Variants in ELAPOR2 observed in about 807,000 individuals in gnomAD.
ELAPOR2 encodes endosome/lysosome-associated apoptosis and autophagy regulator family member 2.
In ELAPOR2, 89 loss-of-function variants were observed where a neutral mutation model predicts 120.7. The observed-to-expected ratio is 0.74, with a 90% CI of 0.62 to 0.88. The LOEUF (loss-of-function observed/expected upper bound fraction) is 0.88, where lower values mean the gene tolerates loss of function less well. Among genes scored for constraint, ELAPOR2 ranks in the 40% least tolerant of loss-of-function variants. The pLI is 0.00. For missense variants in ELAPOR2, 1,134 were observed against 1,251.6 expected (o/e 0.91, Z 1.42); for synonymous variants, 444 against 444.9 (o/e 1.00, Z 0.03).
chr7:87,055,129 C>T (rs1393949508), intron 1 of ELAPOR2, among the ~76,000 whole-genome samples: 2 of 152,170 alleles, frequency 1.3e-5, no homozygotes, highest in East Asian at 3.9e-4. Flanking sequence ...CAGCCCACAC[C>T]ATGCCCCTGA....
intron 1 of ELAPOR2, among the ~76,000 whole-genome samples, chr7:87,019,903 G>A (rs557410490): frequency 6.6e-6 from 1 of 151,920 alleles, no homozygotes; most frequent in African/African-American, 2.4e-5. Flanking sequence ...AATAAATTCT[G>A]TTCATTCAAA....
chr7:86,957,427 C>T (rs1050960600), intron 2 of ELAPOR2, among the ~76,000 whole-genome samples: 4 of 152,172 alleles, frequency 2.6e-5, no homozygotes, highest in Admixed American at 2.6e-4. Context: ...TGTTCTGCAG[C>T]TTTCTTAGGA....
intron 21 of ELAPOR2, among the ~76,000 whole-genome samples, chr7:86,888,905 T>C (rs576840502): frequency 1.3e-5 from 2 of 152,224 alleles, no homozygotes; most frequent in African/African-American, 4.8e-5. Context: ...AACACTTTCT[T>C]TGCAGAGGCA....
chr7:86,951,692 A>G (rs1484483536), intron 2 of ELAPOR2, among the ~76,000 whole-genome samples: 1 of 152,096 alleles, frequency 6.6e-6, no homozygotes, highest in Non-Finnish European at 1.5e-5. Context: ...CTGGACCATC[A>G]CTCTTATGGA....
intron 5 of ELAPOR2, 43 bp downstream of exon 5, chr7:86,941,975 A>G: frequency 1.7e-6 from 2 of 1,201,366 alleles, no homozygotes; most frequent in East Asian, 2.6e-5. Context: ...AAAAAAGAAG[A>G]AGGAAAAATT....
At chr7:87,023,074 T>A (rs1204194721) in intron 1 of ELAPOR2, among the ~76,000 whole-genome samples, 1 of 152,332 alleles carries the variant, frequency 6.6e-6, no homozygotes, top group East Asian at 1.9e-4. Context: ...TTTAATTAGA[T>A]CCCATTTGTC....
intron 3 of ELAPOR2, 90 bp downstream of exon 3, chr7:86,947,637 C>G: frequency 8.7e-7 from 1 of 1,152,260 alleles, no homozygotes; most frequent in Non-Finnish European, 1.2e-6. Context: ...CAAACAGTAC[C>G]AAGATTATCC....
intron 8 of ELAPOR2, among the ~76,000 whole-genome samples, chr7:86,937,076 T>C (rs934585255): frequency 6.6e-6 from 1 of 152,098 alleles, no homozygotes; most frequent in African/African-American, 2.4e-5. Flanking sequence ...AAAATAGCCC[T>C]TATTTGGCAT....
chr7:86,882,415 CT>C (rs1221557413), intron 21 of ELAPOR2, among the ~76,000 whole-genome samples: 7 of 152,088 alleles, frequency 4.6e-5, no homozygotes, highest in African/African-American at 1.2e-4. Flanking sequence ...AGGCAGAGAC[CT>C]GTTGGTTATC....
At chr7:87,035,709 ACCCTC>A (rs1794564407) in intron 1 of ELAPOR2, among the ~76,000 whole-genome samples, 1 of 151,816 alleles carries the variant, frequency 6.6e-6, no homozygotes, top group Non-Finnish European at 1.5e-5. Flanking sequence ...AGAACTCAAG[ACCCTC>A]CATCATTGCT....
chr7:86,916,749 T>C (rs891812705), intron 12 of ELAPOR2, among the ~76,000 whole-genome samples: 2 of 152,070 alleles, frequency 1.3e-5, no homozygotes, highest in Admixed American at 6.6e-5. Context: ...ATCACTGCTA[T>C]AGGCCATAAA....
At chr7:87,016,574 G>A (rs2116684434) in intron 1 of ELAPOR2, among the ~76,000 whole-genome samples, 1 of 151,574 alleles carries the variant, frequency 6.6e-6, no homozygotes, top group East Asian at 1.9e-4. Flanking sequence ...TACAGGTAAT[G>A]TTGCAATTGC....
intron 13 of ELAPOR2, among the ~76,000 whole-genome samples, 194 bp from the exon 14 acceptor site, chr7:86,913,398 A>C (rs1789415314): frequency 6.6e-6 from 1 of 152,160 alleles, no homozygotes; most frequent in Non-Finnish European, 1.5e-5. Context: ...CTAGAAACTA[A>C]TTTCTGCAAT....
intron 1 of ELAPOR2, among the ~76,000 whole-genome samples, chr7:86,987,832 C>T (rs578096492): frequency 3.9e-5 from 6 of 152,176 alleles, no homozygotes; most frequent in South Asian, 2.1e-4. Flanking sequence ...TTTGACCCAG[C>T]GATCCTATTA....
chr7:87,036,457 C>T (rs191266854), intron 1 of ELAPOR2, among the ~76,000 whole-genome samples: 1 of 152,252 alleles, frequency 6.6e-6, no homozygotes, highest in Non-Finnish European at 1.5e-5. Flanking sequence ...GCACTCCAGC[C>T]TGAGTGACAA....
At chr7:86,984,750 A>G (rs1453777622) in intron 1 of ELAPOR2, among the ~76,000 whole-genome samples, 1 of 152,224 alleles carries the variant, frequency 6.6e-6, no homozygotes, top group Non-Finnish European at 1.5e-5. Flanking sequence ...CCTAAAATCA[A>G]CACCCTAACA....
chr7:86,913,640 G>A (rs1419322286), intron 13 of ELAPOR2, among the ~76,000 whole-genome samples: 3 of 152,166 alleles, frequency 2.0e-5, no homozygotes, highest in Non-Finnish European at 4.4e-5. Flanking sequence ...GAAAATCTTG[G>A]AAGACTAGGA....
chr7:86,943,708 T>C (rs982610954), intron 4 of ELAPOR2, among the ~76,000 whole-genome samples: 1 of 152,028 alleles, frequency 6.6e-6, no homozygotes, highest in African/African-American at 2.4e-5. Flanking sequence ...TAACTTTATT[T>C]CAGTTTTAGC....
chr7:86,957,187 A>G, intron 2 of ELAPOR2, among the ~76,000 whole-genome samples: 1 of 152,202 alleles, frequency 6.6e-6, no homozygotes, highest in East Asian at 1.9e-4. Context: ...GTTACAGAGG[A>G]GGTTTAACTT....
Sources: gnomAD v4.1 joint callset for allele counts (sites outside exome capture counted in the v4.1 genomes callset) on GRCh38, gnomAD v4.1.1 for gene constraint, MANE v1.5 for transcripts, NCBI Gene and HGNC (gene_info 2026-07-23, HGNC 2026-07-21) for gene names.